KTN1: variants seen among roughly 807,000 people sequenced by gnomAD.
The protein encoded by KTN1 is kinectin.
Under a neutral mutation model 222.5 loss-of-function variants are expected in KTN1, and 130 were observed. The ratio of observed to expected loss-of-function variants is 0.58; its 90% CI spans 0.51 to 0.68. The LOEUF is 0.68. Among genes scored for constraint, KTN1 ranks in the 30% least tolerant of loss-of-function variants. KTN1 has a pLI of 0.00. For synonymous variants in KTN1, 512 were observed against 496.3 expected, an observed-to-expected ratio of 1.03 and a Z score of -0.42; for missense variants, 1,508 against 1,500.4, an observed-to-expected ratio of 1.01 and a Z score of -0.08.
At chr14:55,653,350 T>G (rs1187995245) in intron 27 of KTN1, among the ~76,000 whole-genome samples, 1 of 152,214 alleles carries the variant, frequency 6.6e-6, no homozygotes. Context: ...ACTATCTGTT[T>G]AAAGTATTAG....
chr14:55,601,401 C>T (rs2035946498), intron 1 of KTN1, among the ~76,000 whole-genome samples: 2 of 152,018 alleles, frequency 1.3e-5, no homozygotes, highest in Admixed American at 1.3e-4. Context: ...TTTGGATTTC[C>T]TGGATTGTTT....
At chr14:55,585,633 C>A (rs1464078144) in intron 1 of KTN1, among the ~76,000 whole-genome samples, 3 of 152,142 alleles carry the variant, frequency 2.0e-5, no homozygotes, top group Non-Finnish European at 2.9e-5. Context: ...TTCATCAAGG[C>A]CTTCCAAAGG....
At chr14:55,652,433 C>G (rs1034467868) in intron 25 of KTN1, among the ~76,000 whole-genome samples, 5 of 132,554 alleles carry the variant, frequency 3.8e-5, no homozygotes, top group Admixed American at 2.6e-4. Flanking sequence ...GAATCTCGCT[C>G]TGTCGCCCAG....
At chr14:55,644,391 T>A in intron 18 of KTN1, 1 of 702,374 alleles carries the variant, frequency 1.4e-6, no homozygotes, top group Non-Finnish European at 2.6e-6. Flanking sequence ...CCAATAATGG[T>A]GCCAAGTTGT....
intron 6 of KTN1, 96 bp from the exon 7 acceptor site, chr14:55,629,861 T>C: frequency 1.2e-6 from 1 of 833,684 alleles, no homozygotes; most frequent in Non-Finnish European, 1.9e-6. Context: ...TCATGATTAT[T>C]TTACTGATGT....
intron 34 of KTN1, among the ~76,000 whole-genome samples, chr14:55,670,026 A>G (rs1190475941): frequency 6.6e-6 from 1 of 152,054 alleles, no homozygotes; most frequent in Admixed American, 6.6e-5. Context: ...ATAAGCATCA[A>G]TAATTTAGAG....
intron 9 of KTN1, among the ~76,000 whole-genome samples, chr14:55,635,542 A>G (rs2140952754): frequency 6.6e-6 from 1 of 152,310 alleles, no homozygotes; most frequent in African/African-American, 2.4e-5. Flanking sequence ...TAGACGCCAG[A>G]GTGTCACTTG....
rs574831203 is a variant in KTN1 at position 55,652,450 on chromosome 14, G to C, written c.2604-400G>C. ...ATCTCGCTCTGTCGCCCAGGCTGGA[G>C]TGCAGTGGCATGATCTCGGCTCACT... On this transcript the variant is annotated intron_variant, in intron 25 of 43. Coordinates refer to ENST00000395314, the MANE Select transcript of KTN1 (RefSeq NM_001079521.2). Among the ~76,000 whole-genome samples the C allele has an allele frequency of 2.7e-5, 4 of 146,036 alleles. No homozygotes were observed. The East Asian group carries it at 8.0e-4, about 29-fold the overall frequency.
At chr14:55,619,118 C>T (rs1594881572) in intron 4 of KTN1, 64 bp from the exon 5 acceptor site, 3 of 1,334,006 alleles carry the variant, frequency 2.2e-6, no homozygotes, top group East Asian at 2.3e-5. Context: ...CTTACCTTTG[C>T]TGAAGTTATT....
chr14:55,642,283 A>G (rs1881479393), intron 18 of KTN1, among the ~76,000 whole-genome samples: 1 of 152,172 alleles, frequency 6.6e-6, no homozygotes. Flanking sequence ...TGTTTATGAC[A>G]GGTATCTAAA....
intron 20 of KTN1, among the ~76,000 whole-genome samples, chr14:55,648,428 C>G (rs2042611259): frequency 6.6e-6 from 1 of 152,112 alleles, no homozygotes; most frequent in African/African-American, 2.4e-5. Flanking sequence ...GATTGCCATT[C>G]TATTTTATGG....
intron 40 of KTN1, chr14:55,674,264 G>A (rs765764132): frequency 2.0e-5 from 3 of 152,020 alleles, no homozygotes; most frequent in Admixed American, 6.6e-5. Context: ...TTTGGGGGGG[G>A]ATTTTGGATT....
chr14:55,640,798 T>C, intron 15 of KTN1, 135 bp from the exon 16 acceptor site: 1 of 703,820 alleles, frequency 1.4e-6, no homozygotes, highest in Non-Finnish European at 2.4e-6. Flanking sequence ...GCAAAACATG[T>C]TACAGAAATA....
chr14:55,652,515 C>T (rs924799592), intron 25 of KTN1, among the ~76,000 whole-genome samples: 5 of 150,956 alleles, frequency 3.3e-5, no homozygotes, highest in Non-Finnish European at 5.9e-5. Context: ...TGTCTTGCCT[C>T]AGCCTCCCGA....
chr14:55,680,706 C>T, intron 43 of KTN1: 2 of 1,366,686 alleles, frequency 1.5e-6, no homozygotes, highest in Non-Finnish European at 2.0e-6. Flanking sequence ...CTCTGGCCTA[C>T]CTTGACACAT....
chr14:55,670,104 G>T (rs1464171593), intron 34 of KTN1, among the ~76,000 whole-genome samples: 1 of 151,926 alleles, frequency 6.6e-6, no homozygotes, highest in Non-Finnish European at 1.5e-5. Context: ...CAGCTAACCT[G>T]TCAGCACAAA....
At chr14:55,630,380 T>A (rs1041758142) in intron 7 of KTN1, among the ~76,000 whole-genome samples, 6 of 152,210 alleles carry the variant, frequency 3.9e-5, no homozygotes, top group African/African-American at 1.4e-4. Flanking sequence ...TTTTTAGAAG[T>A]GATATGCAGA....
chr14:55,650,749 G>T, intron 24 of KTN1, 112 bp downstream of exon 24: 2 of 649,040 alleles, frequency 3.1e-6, no homozygotes, highest in Non-Finnish European at 2.6e-6. Context: ...AGGTATATTG[G>T]GTTATGTGCT....
intron 5 of KTN1, among the ~76,000 whole-genome samples, chr14:55,624,103 ATTG>A (rs1285208312): frequency 2.0e-5 from 3 of 152,210 alleles, no homozygotes; most frequent in Admixed American, 6.5e-5. Context: ...TTAAAATCTT[ATTG>A]TTCTTGGTTT....
Sources: allele counts gnomAD v4.1 joint callset (sites outside exome capture counted in the v4.1 genomes callset), GRCh38; gene constraint gnomAD v4.1.1; transcripts MANE v1.5; gene names NCBI Gene and HGNC (gene_info 2026-07-23, HGNC 2026-07-21).